SNTG2: variants seen among roughly 807,000 people sequenced by gnomAD.
SNTG2 encodes syntrophin gamma 2, also known as gamma-2-syntrophin.
In SNTG2, 74 loss-of-function variants were observed where a neutral mutation model predicts 70.9. The ratio of observed to expected loss-of-function variants is 1.04; its 90% CI spans 0.86 to 1.27. The LOEUF is 1.27. SNTG2 is among the 50% of genes most tolerant of loss of function. The pLI is 0.00. For synonymous variants in SNTG2, 278 were observed against 273.8 expected, an observed-to-expected ratio of 1.02 and a Z score of -0.15; for missense variants, 717 against 690.7, an observed-to-expected ratio of 1.04 and a Z score of -0.43.
intron 14 of SNTG2, among the ~76,000 whole-genome samples, chr2:1,295,080 G>T (rs1193208873): frequency 6.6e-6 from 1 of 152,210 alleles, no homozygotes; most frequent in Non-Finnish European, 1.5e-5. Flanking sequence ...AGATGATGAT[G>T]CTGGGGAATG....
At chr2:958,022 C>T (rs1213295032) in intron 1 of SNTG2, among the ~76,000 whole-genome samples, 1 of 152,120 alleles carries the variant, frequency 6.6e-6, no homozygotes, top group East Asian at 1.9e-4. Context: ...TAGAACTTAC[C>T]TAATTGCTAA....
At chr2:1,248,675 G>A (rs996872592) in intron 12 of SNTG2, among the ~76,000 whole-genome samples, 2 of 152,206 alleles carry the variant, frequency 1.3e-5, no homozygotes, top group African/African-American at 2.4e-5. Flanking sequence ...GCAGAGCTAA[G>A]ATATTCATGC....
At position 960,728 on chromosome 2, in the gene SNTG2, C is replaced by G. The variant is rs928993278; in HGVS notation, c.72+9660C>G. Among the ~76,000 whole-genome samples the G allele has an allele frequency of 6.8e-5, 10 of 146,094 alleles. 1 individual carries two copies. The highest frequency in any genetic ancestry group is 1.5e-4 in the Non-Finnish European group (10 of 67,278). On this transcript the variant is annotated intron_variant, in intron 1 of 16. Coordinates refer to ENST00000308624, the MANE Select transcript of SNTG2 (RefSeq NM_018968.4). ...CTAGGTTCTGAAGGGGGTGCTCCTACTGCCTGCTCATGGGAGCACGGTGAG... is the reference window on the plus strand; with the variant it reads ...CTAGGTTCTGAAGGGGGTGCTCCTAGTGCCTGCTCATGGGAGCACGGTGAG...
At chr2:1,356,701 T>C (rs1257918546) in intron 16 of SNTG2, among the ~76,000 whole-genome samples, 2 of 152,212 alleles carry the variant, frequency 1.3e-5, no homozygotes, top group African/African-American at 2.4e-5. Flanking sequence ...TCTATGTCTG[T>C]AAAAATGCCA....
intron 1 of SNTG2, among the ~76,000 whole-genome samples, chr2:1,052,149 A>G (rs1662113805): frequency 6.6e-6 from 1 of 152,074 alleles, no homozygotes; most frequent in Admixed American, 6.6e-5. Context: ...GGTTGTATAA[A>G]TGAGTTTACT....
At chr2:1,226,048 A>G (rs1675754695) in intron 9 of SNTG2, among the ~76,000 whole-genome samples, 1 of 152,230 alleles carries the variant, frequency 6.6e-6, no homozygotes, top group African/African-American at 2.4e-5. Context: ...ATTAAATGAT[A>G]ACTTTCAAAA....
chr2:1,227,282 C>T (rs567432428), intron 9 of SNTG2, among the ~76,000 whole-genome samples: 1 of 152,346 alleles, frequency 6.6e-6, no homozygotes, highest in South Asian at 2.1e-4. Flanking sequence ...TATTTCCAAG[C>T]AGGAATTGAG....
chr2:956,770 T>C (rs1288852303), intron 1 of SNTG2, among the ~76,000 whole-genome samples: 1 of 152,264 alleles, frequency 6.6e-6, no homozygotes, highest in Non-Finnish European at 1.5e-5. Context: ...TAAGTATATA[T>C]CTGAATTAGA....
chr2:1,267,142 G>A (rs1229992694), intron 13 of SNTG2, among the ~76,000 whole-genome samples: 3 of 152,158 alleles, frequency 2.0e-5, no homozygotes, highest in African/African-American at 4.8e-5. Flanking sequence ...CACTTACAGA[G>A]AATTAAGCAT....
chr2:1,294,472 T>G (rs1290153690), intron 14 of SNTG2, among the ~76,000 whole-genome samples: 1 of 152,246 alleles, frequency 6.6e-6, no homozygotes, highest in Non-Finnish European at 1.5e-5. Flanking sequence ...GAGATTTAGC[T>G]TTCTTAGGAG....
intron 6 of SNTG2, among the ~76,000 whole-genome samples, chr2:1,145,060 C>T (rs1669010981): frequency 6.6e-6 from 1 of 152,028 alleles, no homozygotes; most frequent in East Asian, 1.9e-4. Flanking sequence ...TTGTGGGATG[C>T]AGTGAAAGCA....
At chr2:1,284,429 G>A (rs1679687321) in intron 14 of SNTG2, among the ~76,000 whole-genome samples, 1 of 152,202 alleles carries the variant, frequency 6.6e-6, no homozygotes, top group Non-Finnish European at 1.5e-5. Context: ...TGCGAGCTCG[G>A]TGATGGCAGG....
chr2:1,037,099 C>T lies in SNTG2; in HGVS notation c.73-46419C>T, dbSNP rs548999107. The stretch of plus-strand genomic sequence containing the variant: ...AGAAACCCACCAAGTCTGAGTGGCT[C>T]GCAGCTGCACGCTGCCATTTCTGTG... On this transcript the variant is annotated intron_variant, in intron 1 of 16. Transcript: ENST00000308624. 3.9e-5 allele frequency among the ~76,000 whole-genome samples: 6 copies of T among 152,334 alleles called. No individual in the cohort carries two copies. In the South Asian group the frequency reaches 1.2e-3, roughly 32 times the overall value.
intron 4 of SNTG2, among the ~76,000 whole-genome samples, chr2:1,109,343 G>T (rs75888629): frequency 6.6e-6 from 1 of 152,066 alleles, no homozygotes; most frequent in Non-Finnish European, 1.5e-5. Flanking sequence ...CCGAAGCCAG[G>T]CTCCATATAA....
At chr2:1,170,854 C>A (rs905845977) in intron 7 of SNTG2, among the ~76,000 whole-genome samples, 1 of 152,044 alleles carries the variant, frequency 6.6e-6, no homozygotes, top group Non-Finnish European at 1.5e-5. Context: ...TCCTTCCCAC[C>A]GAGTGGATGC....
intron 1 of SNTG2, among the ~76,000 whole-genome samples, chr2:1,026,845 T>A (rs1230884669): frequency 6.6e-6 from 1 of 151,888 alleles, no homozygotes; most frequent in Non-Finnish European, 1.5e-5. Context: ...CTTTGCCTCC[T>A]CCTTTTGCCT....
In SNTG2 at chr2:1,194,840, C is replaced by G. The variant is rs181404694; in HGVS notation, c.592-14263C>G. On this transcript the variant is annotated intron_variant, in intron 8 of 16. Transcript: ENST00000308624. ...TTTGCTGCACCCATCAACCTGCCAT[C>G]TACGTTAGGTATTTCTCCTAATGCT... Among the ~76,000 whole-genome samples, 8 of 152,214 alleles carry G rather than the reference C, an allele frequency of 5.3e-5. No homozygotes were observed. The East Asian group carries it at 7.7e-4, about 15-fold the overall frequency.
At chr2:1,328,743 C>T (rs1407257462) in intron 16 of SNTG2, among the ~76,000 whole-genome samples, 4 of 152,130 alleles carry the variant, frequency 2.6e-5, no homozygotes, top group Non-Finnish European at 5.9e-5. Flanking sequence ...AAGAGGGACT[C>T]TGTCACCAAG....
chr2:1,204,056 G>T (rs962297331), intron 8 of SNTG2, among the ~76,000 whole-genome samples: 1 of 152,114 alleles, frequency 6.6e-6, no homozygotes, highest in East Asian at 1.9e-4. Flanking sequence ...TGCATCATTC[G>T]ATTAATACCG....
Sources: gnomAD v4.1 joint callset for allele counts (sites outside exome capture counted in the v4.1 genomes callset) on GRCh38, gnomAD v4.1.1 for gene constraint, MANE v1.5 for transcripts, NCBI Gene and HGNC (gene_info 2026-07-23, HGNC 2026-07-21) for gene names.